The following PIK3R5 variants were observed in gnomAD, a reference collection of about 807,000 sequenced individuals.
The protein encoded by PIK3R5 is phosphoinositide 3-kinase regulatory subunit 5.
PIK3R5 carries 32 observed loss-of-function variants against 94.9 expected under a neutral mutation model. The ratio of observed to expected loss-of-function variants is 0.34; its 90% CI spans 0.25 to 0.45. The LOEUF (loss-of-function observed/expected upper bound fraction) is 0.45. PIK3R5 is among the 20% of genes least tolerant of loss of function. The pLI is 1.00. For synonymous variants in PIK3R5, 443 were observed against 479.4 expected, an observed-to-expected ratio of 0.92 and a Z score of 0.99; for missense variants, 853 against 1,144.6, an observed-to-expected ratio of 0.75 and a Z score of 3.68.
intron 1 of PIK3R5, among the ~76,000 whole-genome samples, chr17:8,948,656 C>T (rs11078771): frequency 0.69 from 104,158 of 151,804 alleles, 37,918 homozygotes; most frequent in Non-Finnish European, 0.82. Context: ...ATGAAAAAGG[C>T]AAAAAAAAGC....
intron 1 of PIK3R5, among the ~76,000 whole-genome samples, chr17:8,921,962 A>AT (rs2090757546): frequency 6.6e-6 from 1 of 152,328 alleles, no homozygotes; most frequent in Non-Finnish European, 1.5e-5. Flanking sequence ...AAAGGATACA[A>AT]TCAACAGAGT....
chr17:8,963,450 T>C (rs2091600906), intron 1 of PIK3R5, among the ~76,000 whole-genome samples: 3 of 151,854 alleles, frequency 2.0e-5, no homozygotes, highest in Admixed American at 2.0e-4. Context: ...CTCATCCTCA[T>C]GCCAACATCA....
intron 1 of PIK3R5, among the ~76,000 whole-genome samples, chr17:8,963,466 A>G (rs970047815): frequency 6.6e-6 from 1 of 150,632 alleles, no homozygotes; most frequent in African/African-American, 2.4e-5. Context: ...CATCAACCCC[A>G]AATGCTCTTG....
In PIK3R5 at chr17:8,893,378, C is replaced by T. The variant is rs183693647; in HGVS notation, c.482+208G>A. The stretch of plus-strand genomic sequence containing the variant: ...CCTCTTTAAGAATCTGGTGAAAGAC[C>T]GTCAGCCTAGAAAAACACACCTGGA... On this transcript the variant is annotated intron_variant, in intron 6 of 18. Transcript: ENST00000447110. This position sits in a 1 kb window ranked among gnomAD's most constrained non-coding sequence, Gnocchi z 5.1. 1.4e-4 allele frequency among the ~76,000 whole-genome samples: 21 copies of T among 152,082 alleles called. No individual in the cohort carries two copies. Among genetic ancestry groups the T allele is most frequent in the African/African-American group, 5.1e-4 (21 of 41,408 alleles).
intron 1 of PIK3R5, among the ~76,000 whole-genome samples, chr17:8,956,471 A>T (rs969626334): frequency 6.6e-6 from 1 of 152,096 alleles, no homozygotes; most frequent in Non-Finnish European, 1.5e-5. Flanking sequence ...GGCTTTGAAA[A>T]CTCCCAGGTG....
rs1453357530 is a variant in PIK3R5 at position 8,890,342 on chromosome 17, G to A, written c.658-216C>T. ...GAGAAAGATCCAGAGCCACGGCACTGCAGTTAGGAGGGACTTCAGCGCTCC... is the reference window on the plus strand; with the variant it reads ...GAGAAAGATCCAGAGCCACGGCACTACAGTTAGGAGGGACTTCAGCGCTCC... On this transcript the variant is annotated intron_variant, in intron 7 of 18. Transcript: ENST00000447110. This position sits in a 1 kb window ranked among gnomAD's most constrained non-coding sequence, Gnocchi z 6.1. 1.3e-5 allele frequency among the ~76,000 whole-genome samples: 2 copies of A among 152,282 alleles called. No individual in the cohort carries two copies. The highest frequency in any genetic ancestry group is 3.9e-4 in the East Asian group (2 of 5,176).
intron 1 of PIK3R5, 41 bp downstream of exon 1, chr17:8,965,555 T>C (rs963962502): frequency 2.6e-5 from 4 of 152,280 alleles, no homozygotes; most frequent in South Asian, 2.1e-4. Flanking sequence ...GGAGCTCCCA[T>C]GCGTGCCCTC....
At position 8,893,715 on chromosome 17, in the gene PIK3R5, G is replaced by A; in HGVS notation, c.413-60C>T. ...TCAGTTCCTTCAGCATCGTCCGTGT[G>A]CCTCGTGGGGAGCCAAGCACTGGAC... On this transcript the variant is annotated intron_variant, in intron 5 of 18. Coordinates refer to ENST00000447110, the MANE Select transcript of PIK3R5 (RefSeq NM_001142633.3). This position sits in a 1 kb window ranked among gnomAD's most constrained non-coding sequence, Gnocchi z 5.1. 1.5e-6 allele frequency: 2 copies of A among 1,306,330 alleles called. No individual in the cohort carries two copies. Among genetic ancestry groups the A allele is most frequent in the Non-Finnish European group, 1.1e-6 (1 of 902,222 alleles). The allele number at this position is 1,306,330 out of a possible 1,614,324, so 80.9% of individuals were successfully genotyped here.
intron 14 of PIK3R5, chr17:8,885,001 C>T (rs1013640765): frequency 1.6e-4 from 91 of 556,504 alleles, no homozygotes; most frequent in Non-Finnish European, 2.4e-4. Context: ...GGCCCATCTC[C>T]GCTGTGATCA....
At chr17:8,943,248 A>AG (rs2091217944) in intron 1 of PIK3R5, among the ~76,000 whole-genome samples, 1 of 151,444 alleles carries the variant, frequency 6.6e-6, no homozygotes, top group Non-Finnish European at 1.5e-5. Context: ...CTAATTTTTA[A>AG]TTTTGTTTGT....
chr17:8,908,548 C>CACACACACACAA (rs1218195938), intron 3 of PIK3R5, among the ~76,000 whole-genome samples: 3 of 151,472 alleles, frequency 2.0e-5, no homozygotes, highest in African/African-American at 7.3e-5. Context: ...CACACACACA[C>CACACACACACAA]ACACACACAC....
intron 1 of PIK3R5, among the ~76,000 whole-genome samples, chr17:8,948,670 G>A (rs75760752): frequency 0.012 from 1,790 of 152,282 alleles, 42 homozygotes; most frequent in African/African-American, 0.041. Context: ...AAAAAGCACT[G>A]TTGTGAGGAT....
intron 1 of PIK3R5, among the ~76,000 whole-genome samples, chr17:8,951,080 G>A (rs139589141): frequency 6.6e-6 from 1 of 152,276 alleles, no homozygotes; most frequent in Non-Finnish European, 1.5e-5. Flanking sequence ...TGATATGTGT[G>A]TTGACCATTT....
At chr17:8,922,440 A>G (rs1285165966) in intron 1 of PIK3R5, among the ~76,000 whole-genome samples, 1 of 151,974 alleles carries the variant, frequency 6.6e-6, no homozygotes, top group Non-Finnish European at 1.5e-5. Flanking sequence ...CCATTTATTC[A>G]CTCAAGTTCC....
chr17:8,903,784 A>G (rs1202504396), intron 5 of PIK3R5, among the ~76,000 whole-genome samples: 1 of 152,194 alleles, frequency 6.6e-6, no homozygotes, highest in Non-Finnish European at 1.5e-5. Context: ...GCTCTTAGCT[A>G]CCTGTTTTCT....
chr17:8,934,905 C>T (rs1328841917), intron 1 of PIK3R5, among the ~76,000 whole-genome samples: 2 of 152,150 alleles, frequency 1.3e-5, no homozygotes, highest in Non-Finnish European at 2.9e-5. Context: ...GCTCACTGGA[C>T]CCCAAGAGTT....
At position 8,911,851 on chromosome 17, in the gene PIK3R5, A is replaced by G. The variant is rs1366324942; in HGVS notation, c.-13-344T>C. ...GTGGTCAGACCCCAGTGGGCTGGGC[A>G]GGAAGATCCTGAGGGGAAAATCAGA... is the stretch of plus-strand genomic sequence containing the variant. On this transcript the variant is annotated intron_variant, in intron 1 of 18. Coordinates refer to ENST00000447110, the MANE Select transcript of PIK3R5 (RefSeq NM_001142633.3). The surrounding 1 kb of genome is among the most constrained non-coding windows in gnomAD (Gnocchi z 5.3). 1.1e-5 allele frequency: 2 copies of G among 181,318 alleles called. No individual in the cohort carries two copies. Among genetic ancestry groups the G allele is most frequent in the Non-Finnish European group, 2.3e-5 (2 of 86,726 alleles). 11.2% of individuals were successfully genotyped at this position (181,318 alleles called of 1,614,324 possible). A position where few individuals can be genotyped will look rare whatever the true frequency, so the allele number is the denominator to read the frequency against.
In PIK3R5 at chr17:8,889,923, G is replaced by C; in HGVS notation, c.811+50C>G. 3 of 1,603,666 alleles carry C rather than the reference G, an allele frequency of 1.9e-6. No homozygotes were observed. In the South Asian group the frequency reaches 3.3e-5, roughly 18 times the overall value. On this transcript the variant is annotated intron_variant, in intron 8 of 18. Transcript: ENST00000447110. This position sits in a 1 kb window ranked among gnomAD's most constrained non-coding sequence, Gnocchi z 4.1. ...CCTGGACCGTGCACCTTGGGACCTA[G>C]AATAGGCCATGGGGAATGTGGGAGA...
chr17:8,893,074 GTGTGTGTGTGTT>G lies in PIK3R5; in HGVS notation c.482+500_482+511del, dbSNP rs373871164. On this transcript the variant is annotated intron_variant, in intron 6 of 18. Transcript: ENST00000447110. The surrounding 1 kb of genome is among the most constrained non-coding windows in gnomAD (Gnocchi z 5.1). ...TGTGTGTGTGTGTGTGTGTGTGTGTGTGTGTGTGTGTTTGTGTATCAGGCTGTCATATAAAAT... is the reference window on the plus strand; with the variant it reads ...TGTGTGTGTGTGTGTGTGTGTGTGTGTGTGTATCAGGCTGTCATATAAAAT... Among the ~76,000 whole-genome samples the G allele has an allele frequency of 0.094, 13,229 of 140,958 alleles. 633 individuals are homozygous for G. The highest frequency in any genetic ancestry group is 0.17 in the Middle Eastern group (46 of 278). The allele number at this position is 140,958 out of a possible 152,430, so 92.5% of individuals were successfully genotyped here.
Sources: gnomAD v4.1 joint callset for allele counts (sites outside exome capture counted in the v4.1 genomes callset) on GRCh38, gnomAD v4.1.1 for gene constraint, Gnocchi (gnomAD v3.1) non-coding constraint, MANE v1.5 for transcripts, NCBI Gene and HGNC (gene_info 2026-07-23, HGNC 2026-07-21) for gene names.